POLG2: variants seen among roughly 807,000 people sequenced by gnomAD.
POLG2 encodes the protein DNA polymerase subunit gamma-2.
In POLG2, 50 loss-of-function variants were observed where a neutral mutation model predicts 56.5. The observed-to-expected ratio is 0.88, with a 90% CI of 0.71 to 1.12. POLG2 has a LOEUF of 1.12. Ranked by LOEUF, POLG2 falls within the 50% of genes most tolerant of loss-of-function variation. The probability of loss-of-function intolerance (pLI) is 0.00; values close to 1 mark genes in which losing one functional copy is unlikely to be tolerated. For missense variants in POLG2, 584 were observed against 583.3 expected, an observed-to-expected ratio of 1.00 and a Z score of -0.01; for synonymous variants, 226 against 222.6, an observed-to-expected ratio of 1.02 and a Z score of -0.14.
intron 3 of POLG2, among the ~76,000 whole-genome samples, chr17:64,492,166 T>C (rs1457566449): frequency 2.0e-5 from 3 of 152,218 alleles, no homozygotes; most frequent in Non-Finnish European, 4.4e-5. Context: ...TGCGAAGTTC[T>C]TGATGACTCG....
chr17:64,490,517 A>C, intron 4 of POLG2: 1 of 424,496 alleles, frequency 2.4e-6, no homozygotes, highest in East Asian at 5.1e-5. Flanking sequence ...AAGGAGTGTA[A>C]AGGCATATGA....
chr17:64,492,480 AT>A (rs2038077915), intron 3 of POLG2, among the ~76,000 whole-genome samples, 186 bp downstream of exon 3: 4 of 152,212 alleles, frequency 2.6e-5, no homozygotes. Flanking sequence ...AGCCCAACAA[AT>A]GTTTTTACCA....
intron 5 of POLG2, among the ~76,000 whole-genome samples, chr17:64,484,721 C>A (rs1466886627): frequency 1.3e-5 from 2 of 152,064 alleles, no homozygotes; most frequent in African/African-American, 4.8e-5. Context: ...AGCTACAAAC[C>A]ATTTATAAAC....
chr17:64,490,401 G>A (rs1350955148), intron 4 of POLG2: 4 of 234,098 alleles, frequency 1.7e-5, no homozygotes, highest in South Asian at 1.6e-4. Flanking sequence ...CATAAATCAC[G>A]TGGAAACAGC....
rs782425181 is a variant in POLG2 at position 64,485,864 on chromosome 17, C to T, written c.974G>A (p.Arg325Gln). 32 of 1,613,884 alleles carry T rather than the reference C, an allele frequency of 2.0e-5. No homozygotes were observed. In the Admixed American group the frequency reaches 2.5e-4, roughly 13 times the overall value. Residue 325 changes from arginine to glutamine, a missense_variant, in exon 5 of 8, where the codon CGA becomes CAA. Coordinates refer to ENST00000539111, the MANE Select transcript of POLG2 (RefSeq NM_007215.4). ...YPGNVSKLHG[R>Q]DGRKNVVPCV... ...AGGAACCACATTTTTTCGTCCATCT[C>T]GGCCCTTCACAGAAAAACAGAAGAA... is the stretch of plus-strand genomic sequence containing the variant.
At chr17:64,494,259 C>T (rs1168867748) in intron 1 of POLG2, among the ~76,000 whole-genome samples, 1 of 152,116 alleles carries the variant, frequency 6.6e-6, no homozygotes, top group Non-Finnish European at 1.5e-5. Context: ...TTAATTTCGG[C>T]TAATCATTTT....
intron 5 of POLG2, 154 bp downstream of exon 5, chr17:64,485,574 G>T: frequency 1.5e-6 from 1 of 666,856 alleles, no homozygotes; most frequent in Non-Finnish European, 2.6e-6. Flanking sequence ...TCTTATTCCT[G>T]TGGCCAGATT....
intron 3 of POLG2, among the ~76,000 whole-genome samples, chr17:64,491,336 T>G (rs1568089157): frequency 1.3e-5 from 2 of 152,202 alleles, no homozygotes; most frequent in South Asian, 2.1e-4. Context: ...GGCTCACGCC[T>G]GTTATGCCAG....
intron 5 of POLG2, chr17:64,485,404 C>G (rs905934135): frequency 2.9e-6 from 1 of 343,936 alleles, no homozygotes; most frequent in Admixed American, 4.4e-5. Context: ...CTTTCTTCCT[C>G]CTATGTACCA....
chr17:64,491,576 G>A, intron 3 of POLG2: 3 of 1,552,000 alleles, frequency 1.9e-6, no homozygotes, highest in South Asian at 2.2e-5. Context: ...TCAAACTAGG[G>A]GAGCTGCCAA....
At chr17:64,485,622 A>C in intron 5 of POLG2, 106 bp downstream of exon 5, 1 of 954,864 alleles carries the variant, frequency 1.0e-6, no homozygotes, top group South Asian at 1.3e-5. Context: ...ACATGCACTA[A>C]ATTTATTATT....
Position 64,493,119 on chromosome 17 carries a change from G to A in POLG2, c.563-98C>T, listed in dbSNP as rs556303350. The A allele has an allele frequency of 4.1e-5, 53 of 1,306,452 alleles. No homozygotes were observed. The East Asian group carries it at 1.2e-3, about 30-fold the overall frequency. The allele number at this position is 1,306,452 out of a possible 1,614,324, so 80.9% of individuals were successfully genotyped here. A position where few individuals can be genotyped will look rare whatever the true frequency, so the allele number is the denominator to read the frequency against. On this transcript the variant is annotated intron_variant, in intron 1 of 7. Transcript: ENST00000539111. ...TAATAGTAGTAATAACGTTAACACA[G>A]CATAAAGACAGATGTTGGCTAAGCT...
chr17:64,480,534 T>G (rs2037840662), intron 6 of POLG2, 145 bp from the exon 7 acceptor site: 2 of 510,896 alleles, frequency 3.9e-6, no homozygotes. Context: ...TGTTTATAAC[T>G]TCCATATCAT....
chr17:64,479,715 TG>T (rs1487958964), intron 7 of POLG2, among the ~76,000 whole-genome samples: 3 of 152,038 alleles, frequency 2.0e-5, no homozygotes, highest in Admixed American at 6.6e-5. Context: ...GACTCTAACT[TG>T]GGTAGTGGCA....
At position 64,493,023 on chromosome 17, in the gene POLG2, T is replaced by C. The variant is rs782568018; in HGVS notation, c.563-2A>G. 1 of 1,614,082 alleles carries C rather than the reference T, an allele frequency of 6.2e-7. No homozygotes were observed. Among genetic ancestry groups the C allele is most frequent in the South Asian group, 1.1e-5 (1 of 91,084 alleles). On this transcript the variant is annotated splice_acceptor_variant, in intron 1 of 7. Coordinates refer to ENST00000539111, the MANE Select transcript of POLG2 (RefSeq NM_007215.4). LOFTEE classifies it high-confidence loss of function. Reference sequence around the variant, plus strand: ...AATTAACATAGTGTTCCAAGGCACCTGTCAAAAGATAAATCAATCATTGTA... The same window carrying C: ...AATTAACATAGTGTTCCAAGGCACCCGTCAAAAGATAAATCAATCATTGTA...
In POLG2 at chr17:64,490,847, T is replaced by G; in HGVS notation, c.918A>C (p.Leu306=). 1 of 1,613,654 alleles carries G rather than the reference T, an allele frequency of 6.2e-7. No homozygotes were observed. The highest frequency in any genetic ancestry group is 8.5e-7 in the Non-Finnish European group (1 of 1,179,542). Residue 306 remains leucine (L), a synonymous_variant, in exon 4 of 8, where the codon CTA becomes CTC. Coordinates refer to ENST00000539111, the MANE Select transcript of POLG2 (RefSeq NM_007215.4). ...ACATGTGTAAAAGTTCGTGATCTCC[T>G]AGGTTCCACAGGGTTTCTATTAACT... ...GKELIETLWN[L]GDHELLHMYP...
chr17:64,491,763 C>T, intron 3 of POLG2: 1 of 680,652 alleles, frequency 1.5e-6, no homozygotes, highest in Non-Finnish European at 2.6e-6. Context: ...GGAGCTCAAG[C>T]ACGAGCGGCT....
rs1159074146 is a variant in POLG2, at chr17:64,496,600, C to T, written c.369G>A (p.Glu123=). 6.2e-7 allele frequency: 1 copy of T among 1,613,698 alleles called. No individual in the cohort carries two copies. Among genetic ancestry groups the T allele is most frequent in the Non-Finnish European group, 8.5e-7 (1 of 1,179,812 alleles). The change falls in exon 1 of 8, where the codon GAG becomes GAA. Residue 123 remains glutamate, a synonymous_variant. Coordinates refer to ENST00000539111, the MANE Select transcript of POLG2 (RefSeq NM_007215.4). The part of the protein sequence containing the change: ...EWWTSVVVFR[E]QVFPVDALHH... Reference sequence around the variant, plus strand: ...GGAGGGCGTCCACCGGGAATACCTGCTCCCTGAACACCACCACCGAGGTCC... The same window carrying T: ...GGAGGGCGTCCACCGGGAATACCTGTTCCCTGAACACCACCACCGAGGTCC...
chr17:64,492,678 A>T lies in POLG2; in HGVS notation c.784T>A (p.Trp262Arg). Residue 262 changes from tryptophan (W) to arginine (R), a missense_variant, in exon 3 of 8, where the codon TGG becomes AGG. Physicochemically the swap from Trp to Arg is moderately radical, Grantham distance 101 (BLOSUM62 -3). Coordinates refer to ENST00000539111, the MANE Select transcript of POLG2 (RefSeq NM_007215.4). ...AATTATTGCAGTACCTTTCTCCACC[A>T]CTGGAGTCGATGACGTAACCAGAAA... ...LDFWLRHRLQ[W>R]WRKFAMSPSN... 6.2e-7 allele frequency: 1 copy of T among 1,600,876 alleles called. No homozygotes were observed. Among genetic ancestry groups the T allele is most frequent in the Non-Finnish European group, 8.6e-7 (1 of 1,168,794 alleles).
Sources: allele counts gnomAD v4.1 joint callset (sites outside exome capture counted in the v4.1 genomes callset), GRCh38; gene constraint gnomAD v4.1.1; transcripts MANE v1.5; gene names NCBI Gene and HGNC (gene_info 2026-07-23, HGNC 2026-07-21).